USH2A: variants seen among roughly 807,000 people sequenced by gnomAD.
USH2A encodes usherin, also known as Usher syndrome 2A (autosomal recessive, mild).
USH2A carries 443 observed loss-of-function variants against 538.9 expected under a neutral mutation model. The ratio of observed to expected loss-of-function variants is 0.82; its 90% CI spans 0.76 to 0.89. The LOEUF (loss-of-function observed/expected upper bound fraction) is 0.89, where lower values mean the gene tolerates loss of function less well. Ranked by LOEUF, USH2A falls within the 40% of genes least tolerant of loss-of-function variation. The pLI, the probability that USH2A is intolerant of heterozygous loss-of-function variation, is 0.00. For synonymous variants in USH2A, 2,413 were observed against 2,273.5 expected (o/e 1.06, Z -1.75); for missense variants, 6,633 against 6,324.8 (o/e 1.05, Z -1.65).
At chr1:216,147,008 ATTC>A (rs1356196080) in intron 21 of USH2A, among the ~76,000 whole-genome samples, 8 of 152,182 alleles carry the variant, frequency 5.3e-5, no homozygotes, top group African/African-American at 1.9e-4. Flanking sequence ...AATCTAAATA[ATTC>A]TTGTCATAAA....
At chr1:216,302,797 T>C (rs1043482883) in intron 9 of USH2A, among the ~76,000 whole-genome samples, 5 of 152,066 alleles carry the variant, frequency 3.3e-5, no homozygotes, top group Non-Finnish European at 5.9e-5. Context: ...ATGAAACAAA[T>C]TGTAATACGT....
chr1:216,190,690 T>C (rs1328461979), intron 19 of USH2A, among the ~76,000 whole-genome samples: 1 of 151,980 alleles, frequency 6.6e-6, no homozygotes, highest in African/African-American at 2.4e-5. Flanking sequence ...GACATTGTCA[T>C]TGTTATCATG....
intron 4 of USH2A, among the ~76,000 whole-genome samples, chr1:216,354,440 A>T (rs964636552): frequency 1.3e-5 from 2 of 152,208 alleles, no homozygotes; most frequent in African/African-American, 4.8e-5. Flanking sequence ...ATTATCAAAT[A>T]GGGATTTGAA....
At chr1:216,210,968 ACT>A (rs892742399) in intron 15 of USH2A, among the ~76,000 whole-genome samples, 4 of 139,008 alleles carry the variant, frequency 2.9e-5, no homozygotes, top group Admixed American at 8.1e-5. Flanking sequence ...ACAGAGCGAG[ACT>A]CTGTCTAAAA....
intron 49 of USH2A, among the ~76,000 whole-genome samples, chr1:215,800,614 T>C (rs1195329005): frequency 1.3e-5 from 2 of 152,168 alleles, no homozygotes; most frequent in African/African-American, 4.8e-5. Context: ...AAAATTTGTT[T>C]AGTAAAAGCA....
At chr1:215,739,671 T>C (rs1352543428) in intron 60 of USH2A, among the ~76,000 whole-genome samples, 2 of 152,260 alleles carry the variant, frequency 1.3e-5, no homozygotes, top group African/African-American at 4.8e-5. Flanking sequence ...AGAAATATTA[T>C]TCTTCAAATT....
intron 21 of USH2A, among the ~76,000 whole-genome samples, chr1:216,130,676 T>C (rs917571838): frequency 8.1e-5 from 12 of 148,236 alleles, no homozygotes; most frequent in Admixed American, 6.1e-4. Flanking sequence ...ATATATCACG[T>C]ATATATATAT....
At chr1:216,034,106 C>T (rs1374723805) in intron 32 of USH2A, among the ~76,000 whole-genome samples, 2 of 147,234 alleles carry the variant, frequency 1.4e-5, no homozygotes, top group African/African-American at 4.9e-5. Flanking sequence ...AAGACAAGGA[C>T]TACTGAGTTT....
At chr1:216,287,163 T>C (rs977571619) in intron 11 of USH2A, among the ~76,000 whole-genome samples, 1 of 152,206 alleles carries the variant, frequency 6.6e-6, no homozygotes, top group South Asian at 2.1e-4. Flanking sequence ...GCAACCAATG[T>C]ATTCTACTTC....
intron 67 of USH2A, among the ~76,000 whole-genome samples, chr1:215,641,181 C>A (rs1001709633): frequency 6.6e-6 from 1 of 152,066 alleles, no homozygotes; most frequent in Non-Finnish European, 1.5e-5. Flanking sequence ...GCCACAAAGC[C>A]CCAAGGACTA....
intron 47 of USH2A, 93 bp from the exon 48 acceptor site, chr1:215,817,288 AAT>A (rs10632923): frequency 4.4e-4 from 300 of 687,876 alleles, no homozygotes; most frequent in Middle Eastern, 9.0e-4. Context: ...AATAGATACT[AAT>A]ATATATATAT....
At chr1:215,833,347 T>C (rs1321015971) in intron 47 of USH2A, among the ~76,000 whole-genome samples, 2 of 151,962 alleles carry the variant, frequency 1.3e-5, no homozygotes, top group Non-Finnish European at 2.9e-5. Context: ...GGTATAGATA[T>C]ACATATTGAT....
chr1:216,028,382 G>T (rs1019709986), intron 32 of USH2A, among the ~76,000 whole-genome samples: 1 of 151,386 alleles, frequency 6.6e-6, no homozygotes, highest in African/African-American at 2.4e-5. Context: ...GTGAGACCCT[G>T]TCTCAATAAA....
At chr1:215,719,459 C>A (rs1249970623) in intron 61 of USH2A, among the ~76,000 whole-genome samples, 1 of 146,246 alleles carries the variant, frequency 6.8e-6, no homozygotes, top group Non-Finnish European at 1.5e-5. Flanking sequence ...GGGAAATTAA[C>A]AATGTGGTAT....
intron 13 of USH2A, among the ~76,000 whole-genome samples, chr1:216,238,683 G>A (rs558242838): frequency 2.0e-5 from 3 of 152,120 alleles, no homozygotes; most frequent in Non-Finnish European, 4.4e-5. Context: ...TTGTACATTC[G>A]TAGTAAGGTT....
chr1:216,183,481 A>G (rs1277122271), intron 20 of USH2A, among the ~76,000 whole-genome samples: 1 of 151,970 alleles, frequency 6.6e-6, no homozygotes, highest in Non-Finnish European at 1.5e-5. Context: ...TGAAAAATGT[A>G]TTGCTTCCAC....
intron 11 of USH2A, among the ~76,000 whole-genome samples, chr1:216,282,847 G>A (rs565459515): frequency 6.6e-6 from 1 of 152,180 alleles, no homozygotes; most frequent in South Asian, 2.1e-4. Flanking sequence ...TGATACATGA[G>A]CATTGGGTGT....
chr1:215,790,025 AATC>A, intron 51 of USH2A, 31 bp downstream of exon 51: 1 of 1,597,632 alleles, frequency 6.3e-7, no homozygotes, highest in Non-Finnish European at 8.6e-7. Context: ...TCCATTGTCA[AATC>A]AGCGCCTCCG....
At chr1:216,103,255 G>A (rs568981510) in intron 21 of USH2A, among the ~76,000 whole-genome samples, 2 of 152,278 alleles carry the variant, frequency 1.3e-5, no homozygotes, top group African/African-American at 4.8e-5. Flanking sequence ...AAGGCTATCC[G>A]GGTTATAAAA....
Sources: gnomAD v4.1 joint callset for allele counts (sites outside exome capture counted in the v4.1 genomes callset) on GRCh38, gnomAD v4.1.1 for gene constraint, MANE v1.5 for transcripts, NCBI Gene and HGNC (gene_info 2026-07-23, HGNC 2026-07-21) for gene names.